TRHDE: variants seen among roughly 807,000 people sequenced by gnomAD.
The protein encoded by TRHDE is thyrotropin releasing hormone degrading enzyme, also known as thyrotropin-releasing hormone-degrading ectoenzyme.
Under a neutral mutation model 125.7 loss-of-function variants are expected in TRHDE, and 72 were observed. The ratio of observed to expected loss-of-function variants is 0.57; its 90% CI spans 0.47 to 0.70. TRHDE has a LOEUF of 0.70. TRHDE is among the 30% of genes least tolerant of loss of function. TRHDE has a pLI of 0.00. For synonymous variants in TRHDE, 509 were observed against 509.1 expected (o/e 1.00, Z 0.00); for missense variants, 1,110 against 1,327.1 (o/e 0.84, Z 2.54).
chr12:72,276,299 A>G (rs955127009), intron 1 of TRHDE, among the ~76,000 whole-genome samples: 3 of 152,246 alleles, frequency 2.0e-5, no homozygotes, highest in Admixed American at 1.3e-4. Context: ...GTTTTTAGTT[A>G]GATATAATTT....
intron 3 of TRHDE, among the ~76,000 whole-genome samples, chr12:72,388,937 C>T (rs1189845397): frequency 6.6e-6 from 1 of 151,236 alleles, no homozygotes; most frequent in Non-Finnish European, 1.5e-5. Context: ...AGAACATTTA[C>T]TGTAGATTTG....
At chr12:72,639,257 A>C (rs1401547127) in intron 15 of TRHDE, among the ~76,000 whole-genome samples, 2 of 151,782 alleles carry the variant, frequency 1.3e-5, no homozygotes, top group Non-Finnish European at 2.9e-5. Context: ...CATTCATTTC[A>C]TCTTCCATCG....
chr12:72,583,046 G>T (rs1871302220), intron 12 of TRHDE, among the ~76,000 whole-genome samples: 1 of 152,100 alleles, frequency 6.6e-6, no homozygotes, highest in Non-Finnish European at 1.5e-5. Flanking sequence ...GCTGTCATTG[G>T]ACATGGAGAG....
Position 72,183,067 on chromosome 12 carries a change from C to A in TRHDE, n.279+77315C>A, listed in dbSNP as rs1235718907. Among the ~76,000 whole-genome samples the A allele has an allele frequency of 2.6e-5, 4 of 152,052 alleles. No individual in the cohort carries two copies. The East Asian group carries it at 7.7e-4, about 29-fold the overall frequency. On this transcript the variant is annotated intron_variant and non_coding_transcript_variant, in intron 2 of 4. Coordinates refer to the TRHDE transcript ENST00000548156. ...ACATTTCTATCCCCATGAGGCTTGCCCCTTCTTCTTAGTATGGGTTCTGTG... is the reference window on the plus strand; with the variant it reads ...ACATTTCTATCCCCATGAGGCTTGCACCTTCTTCTTAGTATGGGTTCTGTG...
rs763918164 is a variant in TRHDE at position 72,286,873 on chromosome 12, C to G, written c.1107C>G (p.Thr369=). 1 of 1,613,634 alleles carries G rather than the reference C, an allele frequency of 6.2e-7. No individual in the cohort carries two copies. Residue 369 remains threonine (T), a synonymous_variant, in exon 2 of 19, where the codon ACC becomes ACG. Coordinates refer to ENST00000261180, the MANE Select transcript of TRHDE (RefSeq NM_013381.3). The part of the protein sequence containing the change: ...DGWVTDHFSQ[T]PLMSTYYLAW... The stretch of plus-strand genomic sequence containing the variant: ...GGGTTACGGATCACTTTTCACAGAC[C>G]CCTCTCATGTCCACATATTATTTAG...
rs142724077 is a variant in TRHDE at position 72,446,479 on chromosome 12, T to C, written c.1316-23279T>C. Among the ~76,000 whole-genome samples, 155 of 152,126 alleles carry C rather than the reference T, an allele frequency of 1.0e-3. 1 individual carries two copies. Among genetic ancestry groups the C allele is most frequent in the African/African-American group, 3.6e-3 (149 of 41,512 alleles). On this transcript the variant is annotated intron_variant, in intron 3 of 18. Transcript: ENST00000261180. ...TGAGCAAAATAACCAGCCAACATCA[T>C]AATGACAGGATCAAATTCACACATA...
intron 2 of TRHDE, among the ~76,000 whole-genome samples, chr12:72,119,940 A>G (rs1384874028): frequency 1.3e-5 from 2 of 152,096 alleles, no homozygotes; most frequent in African/African-American, 4.8e-5. Flanking sequence ...TGTTTCTTGT[A>G]GGCAACAAAT....
At chr12:72,390,188 A>G (rs1872568153) in intron 3 of TRHDE, among the ~76,000 whole-genome samples, 1 of 152,190 alleles carries the variant, frequency 6.6e-6, no homozygotes, top group Non-Finnish European at 1.5e-5. Context: ...TGGTTATTTG[A>G]AATCAATATA....
At chr12:72,130,646 C>T (rs1335496082) in intron 2 of TRHDE, among the ~76,000 whole-genome samples, 1 of 152,070 alleles carries the variant, frequency 6.6e-6, no homozygotes, top group Admixed American at 6.5e-5. Flanking sequence ...AGATTTCTGT[C>T]AATTGAAAAA....
At chr12:72,498,653 T>A (rs955869418) in intron 5 of TRHDE, among the ~76,000 whole-genome samples, 23 of 152,204 alleles carry the variant, frequency 1.5e-4, no homozygotes, top group Non-Finnish European at 2.6e-4. Context: ...GCTGTTTCTT[T>A]AAAGCAGACT....
At chr12:72,402,574 A>G (rs180866416) in intron 3 of TRHDE, among the ~76,000 whole-genome samples, 32 of 152,298 alleles carry the variant, frequency 2.1e-4, no homozygotes, top group African/African-American at 7.7e-4. Context: ...TATCGACACC[A>G]GTCATATTGA....
chr12:72,543,654 A>C (rs564875182), intron 7 of TRHDE, among the ~76,000 whole-genome samples: 1 of 151,520 alleles, frequency 6.6e-6, no homozygotes, highest in South Asian at 2.1e-4. Context: ...CATAAATTGA[A>C]TTTGATTTCT....
intron 3 of TRHDE, among the ~76,000 whole-genome samples, chr12:72,383,370 A>ATTTTTTTTTTT (rs552559387): frequency 9.9e-6 from 1 of 100,946 alleles, no homozygotes; most frequent in Non-Finnish European, 1.9e-5. Context: ...AACCCATTTA[A>ATTTTTTTTTTT]TTTTTTTTTT....
At chr12:72,490,992 C>CAAAAAAAAAA (rs71438815) in intron 5 of TRHDE, among the ~76,000 whole-genome samples, 1 of 119,358 alleles carries the variant, frequency 8.4e-6, no homozygotes, top group Non-Finnish European at 1.9e-5. Flanking sequence ...GCCACAAAAC[C>CAAAAAAAAAA]AAAAAAAAAA....
intron 2 of TRHDE, among the ~76,000 whole-genome samples, chr12:72,149,008 G>C (rs1177978339): frequency 1.3e-5 from 2 of 151,974 alleles, no homozygotes; most frequent in Non-Finnish European, 2.9e-5. Context: ...TTTTTTTAAT[G>C]CTTCTGTGAT....
At chr12:72,597,604 A>G (rs1592562509) in intron 12 of TRHDE, among the ~76,000 whole-genome samples, 1 of 146,166 alleles carries the variant, frequency 6.8e-6, no homozygotes, top group African/African-American at 2.5e-5. Context: ...GGAGGTGGAG[A>G]TTGGGCTGAG....
intron 3 of TRHDE, among the ~76,000 whole-genome samples, chr12:72,430,295 ATATG>A (rs1485036740): frequency 1.4e-5 from 2 of 143,512 alleles, no homozygotes; most frequent in Non-Finnish European, 3.0e-5. Context: ...GTGTGTGTAT[ATATG>A]TATATATATG....
intron 6 of TRHDE, 104 bp downstream of exon 6, chr12:72,499,739 C>T (rs1278837133): frequency 3.1e-6 from 4 of 1,283,878 alleles, no homozygotes; most frequent in South Asian, 3.0e-5. Flanking sequence ...GGCAGATAGA[C>T]ATAGACTGTG....
chr12:72,147,721 T>G (rs1043250412), intron 2 of TRHDE: 1 of 152,256 alleles, frequency 6.6e-6, no homozygotes, highest in Non-Finnish European at 1.5e-5. Flanking sequence ...TCTTTTACTT[T>G]CCATCTCCCA....
Sources: allele counts gnomAD v4.1 joint callset (sites outside exome capture counted in the v4.1 genomes callset), GRCh38; gene constraint gnomAD v4.1.1; transcripts MANE v1.5; gene names NCBI Gene and HGNC (gene_info 2026-07-23, HGNC 2026-07-21).